The following KANSL1 variants were observed in gnomAD, a reference collection of about 807,000 sequenced individuals.
The protein encoded by KANSL1 is MLL1/MLL complex subunit KANSL1.
A neutral mutation model predicts 103.6 loss-of-function variants in KANSL1; 22 were observed. The ratio of observed to expected loss-of-function variants is 0.21; its 90% CI spans 0.15 to 0.30. KANSL1 has a LOEUF of 0.30. Ranked by LOEUF, KANSL1 falls within the 10% of genes least tolerant of loss-of-function variation. The pLI, the probability that KANSL1 is intolerant of heterozygous loss-of-function variation, is 1.00. For synonymous variants in KANSL1, 600 were observed against 527.6 expected (o/e 1.14, Z -1.88); for missense variants, 1,337 against 1,399.8 (o/e 0.96, Z 0.72).
In KANSL1 at chr17:46,094,552, T is replaced by C. The variant is rs779205892; in HGVS notation, c.1431+8A>G. On this transcript the variant is annotated splice_region_variant and intron_variant, in intron 3 of 14. Coordinates refer to ENST00000432791, the MANE Select transcript of KANSL1 (RefSeq NM_015443.4). ...AGCATTTAAAAACATCAGATACTTA[T>C]CCCTTACCTTATTAGCACGTATCTG... The C allele has an allele frequency of 1.9e-6, 3 of 1,610,168 alleles. No individual in the cohort carries two copies. Among genetic ancestry groups the C allele is most frequent in the Non-Finnish European group, 2.5e-6 (3 of 1,179,250 alleles).
chr17:46,089,690 TA>T (rs143794916), intron 3 of KANSL1, among the ~76,000 whole-genome samples: 10 of 147,318 alleles, frequency 6.8e-5, no homozygotes, highest in South Asian at 2.1e-4. Context: ...TTTCAGTAAC[TA>T]AAAAAAAAAC....
intron 3 of KANSL1, among the ~76,000 whole-genome samples, chr17:46,091,966 G>A (rs377264606): frequency 6.6e-5 from 10 of 152,140 alleles, no homozygotes; most frequent in Middle Eastern, 3.4e-3. Flanking sequence ...ACAGGCACCC[G>A]CCACCACACC....
At chr17:46,040,742 C>G (rs115015876) in intron 7 of KANSL1, 1 of 152,248 alleles carries the variant, frequency 6.6e-6, no homozygotes, top group East Asian at 1.9e-4. Context: ...TTGGGGACAA[C>G]TTCCATGTGT....
At chr17:46,180,169 G>A (rs1041367388) in intron 1 of KANSL1, among the ~76,000 whole-genome samples, 4 of 152,108 alleles carry the variant, frequency 2.6e-5, no homozygotes, top group African/African-American at 9.7e-5. Flanking sequence ...GATCCTTAAC[G>A]GACAGCCTTT....
chr17:46,204,086 A>G (rs2668659), intron 1 of KANSL1, among the ~76,000 whole-genome samples: 21,941 of 151,790 alleles, frequency 0.14, 2,135 homozygotes, highest in Non-Finnish European at 0.22. Flanking sequence ...GGAGGCTGAG[A>G]CAGGAGGAGT....
rs1206618261 is a variant in KANSL1, at chr17:46,038,581, G to A, written c.2498C>T (p.Pro833Leu). 4 of 1,614,040 alleles carry A rather than the reference G, an allele frequency of 2.5e-6. No individual in the cohort carries two copies. Among genetic ancestry groups the A allele is most frequent in the Non-Finnish European group, 3.4e-6 (4 of 1,180,038 alleles). ...VRQLSTSSDS[P>L]APASSSSQVT... The stretch of plus-strand genomic sequence containing the variant: ...CTGTGAGCTAGAGCTGGCGGGTGCA[G>A]GGGAATCTGAGGAGGTGGAGAGCTG... The change falls in exon 10 of 15, where the codon CCT (proline) becomes CTT (leucine). Residue 833 changes from proline to leucine, a missense_variant. Transcript: ENST00000432791.
At chr17:46,105,885 ACACACACAGAGCAAGGCC>A (rs2042519274) in intron 2 of KANSL1, among the ~76,000 whole-genome samples, 1 of 124,704 alleles carries the variant, frequency 8.0e-6, no homozygotes, top group Non-Finnish European at 1.9e-5. Context: ...ACACACACAC[ACACACACAGAGCAAGGCC>A]TTGACACACA....
intron 1 of KANSL1, among the ~76,000 whole-genome samples, chr17:46,188,109 C>T (rs1013977581): frequency 6.6e-6 from 1 of 152,208 alleles, no homozygotes; most frequent in African/African-American, 2.4e-5. Flanking sequence ...TAGTTACCCC[C>T]TGCCATACTA....
At chr17:46,217,010 G>C (rs1205899730) in intron 1 of KANSL1, among the ~76,000 whole-genome samples, 1 of 151,800 alleles carries the variant, frequency 6.6e-6, no homozygotes, top group East Asian at 1.9e-4. Flanking sequence ...AGGAAGCTGA[G>C]GTGGGAGGAT....
intron 13 of KANSL1, 56 bp from the exon 14 acceptor site, chr17:46,032,355 AG>A (rs1488747799): frequency 3.4e-6 from 5 of 1,452,280 alleles, no homozygotes; most frequent in Non-Finnish European, 4.6e-6. Flanking sequence ...TTATGGGGGT[AG>A]AGGGCATGAA....
In KANSL1 at chr17:46,171,374, TTAG is replaced by T. The variant is rs1439542774; in HGVS notation, c.767_769del (p.Ser256_Asn257delinsTyr). The T allele has an allele frequency of 5.6e-6, 9 of 1,614,126 alleles. No individual in the cohort carries two copies. The South Asian group carries it at 9.9e-5, about 18-fold the overall frequency. On this transcript the variant is annotated inframe_deletion, in exon 2 of 15. Transcript: ENST00000432791. Reference sequence around the variant, plus strand: ...ACCCTCCAATTTGACACCCCCCAAGTTAGAGCTGGAGTCTGTACCAGGTGATAA... The same window carrying T: ...ACCCTCCAATTTGACACCCCCCAAGTAGCTGGAGTCTGTACCAGGTGATAA...
At chr17:46,092,732 G>GGGGT (rs2079455262) in intron 3 of KANSL1, 1 of 82,986 alleles carries the variant, frequency 1.2e-5, no homozygotes, top group Non-Finnish European at 2.4e-5. Context: ...GGGGGGGGAG[G>GGGGT]GTGGGTGTCT....
intron 2 of KANSL1, among the ~76,000 whole-genome samples, chr17:46,141,648 TC>T (rs553006134): frequency 6.8e-4 from 104 of 152,168 alleles, no homozygotes; most frequent in African/African-American, 2.3e-3. Flanking sequence ...GAATACAGTA[TC>T]CTCACAAAAA....
At chr17:46,165,105 T>G (rs939745915) in intron 2 of KANSL1, among the ~76,000 whole-genome samples, 2 of 152,224 alleles carry the variant, frequency 1.3e-5, no homozygotes, top group African/African-American at 4.8e-5. Flanking sequence ...AGACTCTCTC[T>G]CAAATATATA....
intron 3 of KANSL1, among the ~76,000 whole-genome samples, chr17:46,086,164 G>C (rs762977752): frequency 6.7e-6 from 1 of 149,384 alleles, no homozygotes; most frequent in Non-Finnish European, 1.5e-5. Flanking sequence ...TTCTTTTTCA[G>C]TTATATGAAA....
At chr17:46,155,739 A>AG (rs1272707299) in intron 2 of KANSL1, among the ~76,000 whole-genome samples, 1 of 152,176 alleles carries the variant, frequency 6.6e-6, no homozygotes, top group Non-Finnish European at 1.5e-5. Flanking sequence ...ATAACACTCT[A>AG]GTTCCTACAG....
At chr17:46,222,683 G>C (rs2048568547) in intron 1 of KANSL1, 1 of 152,208 alleles carries the variant, frequency 6.6e-6, no homozygotes, top group South Asian at 2.1e-4. Flanking sequence ...ACTATTGTCT[G>C]ATTTCTCCTC....
chr17:46,150,333 A>G (rs796999018), intron 2 of KANSL1, among the ~76,000 whole-genome samples: 59 of 152,152 alleles, frequency 3.9e-4, no homozygotes, highest in African/African-American at 1.4e-3. Flanking sequence ...TCTATCCTCT[A>G]AGAAGTCTCC....
At chr17:46,142,464 A>AT (rs903654954) in intron 2 of KANSL1, among the ~76,000 whole-genome samples, 7 of 152,046 alleles carry the variant, frequency 4.6e-5, no homozygotes, top group African/African-American at 1.7e-4. Context: ...AGAAAAAAAA[A>AT]TTTTTTAATA....
Sources: gnomAD v4.1 joint callset for allele counts (sites outside exome capture counted in the v4.1 genomes callset) on GRCh38, gnomAD v4.1.1 for gene constraint, MANE v1.5 for transcripts, NCBI Gene and HGNC (gene_info 2026-07-23, HGNC 2026-07-21) for gene names.